FARS2: variants seen among roughly 807,000 people sequenced by gnomAD.
The protein encoded by FARS2 is phenylalanine--tRNA ligase, mitochondrial.
In FARS2, 40 loss-of-function variants were observed where a neutral mutation model predicts 46.4. The observed-to-expected ratio is 0.86, with a 90% CI of 0.67 to 1.12. FARS2 has a LOEUF of 1.12. FARS2 is among the 50% of genes most tolerant of loss of function. The pLI, the probability that FARS2 is intolerant of heterozygous loss-of-function variation, is 0.00. For synonymous variants in FARS2, 234 were observed against 214.9 expected, an observed-to-expected ratio of 1.09 and a Z score of -0.78; for missense variants, 513 against 567.9, an observed-to-expected ratio of 0.90 and a Z score of 0.98.
chr6:5,297,154 A>G (rs1048452783), intron 1 of FARS2, among the ~76,000 whole-genome samples: 1 of 152,140 alleles, frequency 6.6e-6, no homozygotes, highest in Non-Finnish European at 1.5e-5. Context: ...TCACATAGCT[A>G]ACATGTGCAG....
chr6:5,432,483 A>T (rs1158047368), intron 4 of FARS2, among the ~76,000 whole-genome samples: 1 of 127,894 alleles, frequency 7.8e-6, no homozygotes, highest in Admixed American at 9.5e-5. Flanking sequence ...TTTTATATAT[A>T]ATATATATTA....
At position 5,404,561 on chromosome 6, in the gene FARS2, A is replaced by G; in HGVS notation, c.632A>G (p.Asp211Gly). The change falls in exon 3 of 7, where the codon GAT becomes GGT. Residue 211 changes from aspartate to glycine, a missense_variant. Coordinates refer to ENST00000274680, the MANE Select transcript of FARS2 (RefSeq NM_006567.5). ...SKHELFAGIK[D>G]GESLQLFEQS... ...TTACAGTTATTTGCTGGTATAAAGG[A>G]TGGAGAAAGCCTGCAGCTCTTTGAA... 1 of 1,602,990 alleles carries G rather than the reference A, an allele frequency of 6.2e-7. No homozygotes were observed.
chr6:5,701,277 G>A (rs1319251263), intron 6 of FARS2, among the ~76,000 whole-genome samples: 1 of 152,246 alleles, frequency 6.6e-6, no homozygotes, highest in Non-Finnish European at 1.5e-5. Flanking sequence ...AAGGCTGTTG[G>A]TCAAACACAT....
intron 6 of FARS2, among the ~76,000 whole-genome samples, chr6:5,729,466 A>T (rs1231395274): frequency 6.6e-6 from 1 of 152,228 alleles, no homozygotes; most frequent in African/African-American, 2.4e-5. Flanking sequence ...GGGCAAAGGC[A>T]GCTGAGTAGA....
intron 4 of FARS2, among the ~76,000 whole-genome samples, chr6:5,537,621 G>T (rs994856779): frequency 6.6e-6 from 1 of 151,212 alleles, no homozygotes; most frequent in Admixed American, 6.6e-5. Flanking sequence ...GATGTCCCGG[G>T]CTTCCTCTCG....
intron 6 of FARS2, among the ~76,000 whole-genome samples, chr6:5,763,774 T>G (rs1238434551): frequency 1.2e-4 from 18 of 151,736 alleles, no homozygotes; most frequent in South Asian, 2.1e-4. Context: ...TTTGGTTTTT[T>G]TTTTTTTTTT....
At chr6:5,319,276 G>A (rs913611763) in intron 1 of FARS2, among the ~76,000 whole-genome samples, 1 of 152,160 alleles carries the variant, frequency 6.6e-6, no homozygotes, top group African/African-American at 2.4e-5. Flanking sequence ...TGGGATCTCA[G>A]GAGTTGGGCA....
chr6:5,409,490 T>TGCA (rs1761811301), intron 3 of FARS2, among the ~76,000 whole-genome samples: 1 of 152,132 alleles, frequency 6.6e-6, no homozygotes, highest in African/African-American at 2.4e-5. Flanking sequence ...GCAGTGAACT[T>TGCA]GTAGCTTCTT....
chr6:5,547,584 T>C (rs555461549), intron 5 of FARS2, among the ~76,000 whole-genome samples: 2 of 152,328 alleles, frequency 1.3e-5, no homozygotes, highest in East Asian at 3.9e-4. Flanking sequence ...GATCTAACCA[T>C]GTGAGATCAC....
At chr6:5,712,246 G>A (rs551621480) in intron 6 of FARS2, among the ~76,000 whole-genome samples, 1 of 152,228 alleles carries the variant, frequency 6.6e-6, no homozygotes, top group East Asian at 1.9e-4. Flanking sequence ...AGTGATGTTA[G>A]TGGCTCCATA....
At chr6:5,585,328 G>A (rs1367019173) in intron 5 of FARS2, among the ~76,000 whole-genome samples, 1 of 152,068 alleles carries the variant, frequency 6.6e-6, no homozygotes, top group East Asian at 1.9e-4. Context: ...TGTATGTATA[G>A]TAAGGACAAC....
At chr6:5,394,798 C>A (rs1487622606) in intron 2 of FARS2, among the ~76,000 whole-genome samples, 2 of 151,668 alleles carry the variant, frequency 1.3e-5, no homozygotes, top group Non-Finnish European at 2.9e-5. Flanking sequence ...ATTTGGTGTC[C>A]TTAAATAACT....
chr6:5,346,242 T>C (rs910055707), intron 1 of FARS2, among the ~76,000 whole-genome samples: 35 of 152,222 alleles, frequency 2.3e-4, no homozygotes, highest in African/African-American at 8.4e-4. Context: ...AATCAACCAT[T>C]CTTGAAGAAG....
At chr6:5,291,908 G>A (rs1454240475) in intron 1 of FARS2, among the ~76,000 whole-genome samples, 3 of 152,152 alleles carry the variant, frequency 2.0e-5, no homozygotes, top group Non-Finnish European at 4.4e-5. Flanking sequence ...TCCAAAGAGT[G>A]CATAGTCTGT....
intron 4 of FARS2, among the ~76,000 whole-genome samples, chr6:5,460,269 T>C (rs1357816908): frequency 6.6e-6 from 1 of 152,230 alleles, no homozygotes; most frequent in East Asian, 1.9e-4. Context: ...TTGTTTGATC[T>C]TTTGGAGATG....
chr6:5,333,889 A>G (rs972769320), intron 1 of FARS2, among the ~76,000 whole-genome samples: 8 of 152,176 alleles, frequency 5.3e-5, no homozygotes, highest in African/African-American at 1.7e-4. Flanking sequence ...AGTGTGACTC[A>G]TCATTAAATA....
chr6:5,526,127 G>A (rs1190281786), intron 4 of FARS2, among the ~76,000 whole-genome samples: 1 of 152,200 alleles, frequency 6.6e-6, no homozygotes, highest in Non-Finnish European at 1.5e-5. Flanking sequence ...AAGCACAAAA[G>A]TTAGAAGTTA....
intron 4 of FARS2, among the ~76,000 whole-genome samples, chr6:5,432,350 ATT>A (rs1491108868): frequency 9.7e-5 from 3 of 30,872 alleles, no homozygotes; most frequent in Non-Finnish European, 1.4e-4. Flanking sequence ...ATATATATAT[ATT>A]ATATATATAT....
intron 6 of FARS2, among the ~76,000 whole-genome samples, chr6:5,629,557 G>A (rs1001586815): frequency 2.5e-4 from 38 of 152,208 alleles, no homozygotes; most frequent in African/African-American, 8.7e-4. Context: ...CTGAGGAGAT[G>A]AGGGGCTAGA....
Sources: allele counts gnomAD v4.1 joint callset (sites outside exome capture counted in the v4.1 genomes callset), GRCh38; gene constraint gnomAD v4.1.1; transcripts MANE v1.5; gene names NCBI Gene and HGNC (gene_info 2026-07-23, HGNC 2026-07-21).